Variants in SGCZ observed in about 807,000 individuals in gnomAD.
SGCZ encodes zeta-sarcoglycan.
A neutral mutation model predicts 41.3 loss-of-function variants in SGCZ; 40 were observed. The observed-to-expected ratio is 0.97, with a 90% CI of 0.75 to 1.26. SGCZ has a LOEUF of 1.26. SGCZ is among the 50% of genes most tolerant of loss of function. The probability of loss-of-function intolerance (pLI) is 0.00; values close to 1 mark genes in which losing one functional copy is unlikely to be tolerated. For missense variants in SGCZ, 552 were observed against 369.8 expected, an observed-to-expected ratio of 1.49 and a Z score of -4.04; for synonymous variants, 206 against 137.5, an observed-to-expected ratio of 1.50 and a Z score of -3.49.
chr8:14,248,345 G>C (rs1178420632), intron 3 of SGCZ, among the ~76,000 whole-genome samples: 2 of 152,158 alleles, frequency 1.3e-5, no homozygotes, highest in African/African-American at 4.8e-5. Flanking sequence ...TACCTATCAT[G>C]ATGATGGTGA....
chr8:14,565,506 T>C (rs1804331614), intron 1 of SGCZ, among the ~76,000 whole-genome samples: 1 of 151,994 alleles, frequency 6.6e-6, no homozygotes, highest in African/African-American at 2.4e-5. Context: ...ACAAAGACAG[T>C]CCACGGGCAC....
chr8:14,343,298 A>T (rs1487645002), intron 2 of SGCZ, among the ~76,000 whole-genome samples: 1 of 152,184 alleles, frequency 6.6e-6, no homozygotes, highest in Admixed American at 6.5e-5. Context: ...AGCTGCAAGA[A>T]GAGGGCCACC....
chr8:14,418,784 G>T (rs762228214), intron 2 of SGCZ, among the ~76,000 whole-genome samples: 8 of 151,840 alleles, frequency 5.3e-5, no homozygotes, highest in Non-Finnish European at 1.2e-4. Flanking sequence ...TCCACTGATG[G>T]TTTCGATAGC....
intron 1 of SGCZ, among the ~76,000 whole-genome samples, chr8:14,951,485 A>C (rs1006383466): frequency 6.6e-6 from 1 of 152,012 alleles, no homozygotes; most frequent in African/African-American, 2.4e-5. Flanking sequence ...TTATATGGTG[A>C]GATAATAAAT....
At chr8:14,647,494 T>C (rs1166870873) in intron 1 of SGCZ, among the ~76,000 whole-genome samples, 2 of 151,984 alleles carry the variant, frequency 1.3e-5, no homozygotes, top group Non-Finnish European at 2.9e-5. Context: ...ATATATAAAA[T>C]AAAACATATC....
At chr8:14,164,912 G>A in intron 4 of SGCZ, 3 of 553,040 alleles carry the variant, frequency 5.4e-6, no homozygotes, top group Non-Finnish European at 9.3e-6. Context: ...TAGGCATACA[G>A]GTGACCTCTG....
intron 7 of SGCZ, among the ~76,000 whole-genome samples, chr8:14,100,364 A>C (rs917084346): frequency 2.6e-5 from 4 of 151,224 alleles, no homozygotes; most frequent in African/African-American, 9.7e-5. Context: ...AATAATCAAT[A>C]TTTATTATGA....
intron 1 of SGCZ, among the ~76,000 whole-genome samples, chr8:15,102,487 C>T (rs1348353687): frequency 6.6e-6 from 1 of 151,826 alleles, no homozygotes; most frequent in African/African-American, 2.4e-5. Context: ...GAATGTAGAA[C>T]ACAAAAAAGG....
At chr8:15,103,308 C>T (rs1246656786) in intron 1 of SGCZ, among the ~76,000 whole-genome samples, 7 of 151,940 alleles carry the variant, frequency 4.6e-5, no homozygotes, top group Middle Eastern at 3.4e-3. Context: ...GGCTGAGGCA[C>T]GACAATCAGT....
chr8:14,490,493 C>G (rs1563363745), intron 2 of SGCZ, among the ~76,000 whole-genome samples: 2 of 152,314 alleles, frequency 1.3e-5, no homozygotes, highest in East Asian at 1.9e-4. Flanking sequence ...AAACACACTG[C>G]AAAATGAGGT....
chr8:14,248,830 T>C (rs528701145), intron 3 of SGCZ, among the ~76,000 whole-genome samples: 1 of 152,106 alleles, frequency 6.6e-6, no homozygotes, highest in Non-Finnish European at 1.5e-5. Context: ...ACATATTTAG[T>C]TGACTTTATG....
At chr8:14,571,079 C>G (rs1804536649) in intron 1 of SGCZ, among the ~76,000 whole-genome samples, 1 of 152,166 alleles carries the variant, frequency 6.6e-6, no homozygotes, top group Non-Finnish European at 1.5e-5. Context: ...AGAGGTTTGA[C>G]TCTCAGTTCC....
chr8:14,719,167 T>G (rs1809799226), intron 1 of SGCZ, among the ~76,000 whole-genome samples: 2 of 150,852 alleles, frequency 1.3e-5, no homozygotes, highest in African/African-American at 4.9e-5. Context: ...TCCATGTCCC[T>G]ACAAAGGACA....
chr8:14,327,139 T>C (rs543786387), intron 2 of SGCZ, among the ~76,000 whole-genome samples: 1 of 152,132 alleles, frequency 6.6e-6, no homozygotes, highest in African/African-American at 2.4e-5. Context: ...GGTCAATGGA[T>C]GTTAAGAAAT....
chr8:14,743,199 T>G (rs2130287086), intron 1 of SGCZ, among the ~76,000 whole-genome samples: 1 of 152,244 alleles, frequency 6.6e-6, no homozygotes, highest in Admixed American at 6.5e-5. Context: ...ATAGAATTCC[T>G]ACTTTATAGA....
intron 1 of SGCZ, among the ~76,000 whole-genome samples, chr8:14,696,138 AG>A (rs1363801149): frequency 1.3e-5 from 2 of 152,068 alleles, no homozygotes; most frequent in Non-Finnish European, 1.5e-5. Flanking sequence ...TTTTTCTAAA[AG>A]CTTAACGCTT....
chr8:14,898,085 A>G (rs966091104), intron 1 of SGCZ, among the ~76,000 whole-genome samples: 2 of 151,928 alleles, frequency 1.3e-5, no homozygotes, highest in African/African-American at 4.8e-5. Context: ...CTCTGAGAAA[A>G]CAACTTTTAT....
intron 1 of SGCZ, among the ~76,000 whole-genome samples, chr8:15,237,258 C>CCG (rs548318220): frequency 2.0e-5 from 3 of 152,056 alleles, no homozygotes; most frequent in Non-Finnish European, 4.4e-5. Context: ...CGCTGCCCCC[C>CCG]CCGGGGAGAC....
intron 1 of SGCZ, among the ~76,000 whole-genome samples, chr8:14,886,611 G>T (rs1804815749): frequency 6.6e-6 from 1 of 152,108 alleles, no homozygotes; most frequent in Non-Finnish European, 1.5e-5. Flanking sequence ...GCATGTTCCA[G>T]GAGCAGCAGG....
Sources: gnomAD v4.1 joint callset for allele counts (sites outside exome capture counted in the v4.1 genomes callset) on GRCh38, gnomAD v4.1.1 for gene constraint, MANE v1.5 for transcripts, NCBI Gene and HGNC (gene_info 2026-07-23, HGNC 2026-07-21) for gene names.